Variants in RNF130 observed in about 807,000 individuals in gnomAD.
The protein encoded by RNF130 is ring finger protein 130, also known as E3 ubiquitin-protein ligase RNF130.
RNF130 carries 21 observed loss-of-function variants against 44.6 expected under a neutral mutation model. The observed-to-expected ratio is 0.47, with a 90% CI of 0.33 to 0.68. The LOEUF is 0.68. Ranked by LOEUF, RNF130 falls within the 30% of genes least tolerant of loss-of-function variation. The pLI, the probability that RNF130 is intolerant of heterozygous loss-of-function variation, is 0.02. For synonymous variants in RNF130, 214 were observed against 210.4 expected, an observed-to-expected ratio of 1.02 and a Z score of -0.15; for missense variants, 479 against 560.6, an observed-to-expected ratio of 0.85 and a Z score of 1.47.
intron 5 of RNF130, among the ~76,000 whole-genome samples, chr5:179,972,902 G>T (rs1279882460): frequency 6.6e-6 from 1 of 152,046 alleles, no homozygotes; most frequent in African/African-American, 2.4e-5. Context: ...TGATATAAAA[G>T]AAGTGCCCAC....
intron 7 of RNF130, among the ~76,000 whole-genome samples, chr5:179,922,620 C>T (rs919994192): frequency 2.6e-5 from 4 of 151,450 alleles, no homozygotes; most frequent in South Asian, 2.1e-4. Flanking sequence ...GGGCTGTCTT[C>T]GTGTTATCAA....
At chr5:179,916,980 AG>A (rs1761554796) in exon 8 of RNF130, 9 of 152,406 alleles carry the variant, frequency 5.9e-5, no homozygotes, top group African/African-American at 1.9e-4. Flanking sequence ...TCACGAGGTC[AG>A]GAGATCGAGA....
Position 180,071,628 on chromosome 5 carries a change from T to A in RNF130, c.75A>T (p.Ala25=). ...ACTCCTGGCTCGCGTTGTCTGCCCG[T>A]GCCGGCCACAGGCTGCAGGTCAGCA... ...LALLTCSLWP[A]RADNASQEYY... is the part of the protein sequence containing the mutation. The change falls in exon 1 of 9, where the codon GCA becomes GCT. Residue 25 remains alanine, a synonymous_variant. Transcript: ENST00000521389. The A allele has an allele frequency of 1.3e-6, 2 of 1,501,242 alleles. No homozygotes were observed. Among genetic ancestry groups the A allele is most frequent in the Non-Finnish European group, 1.8e-6 (2 of 1,124,442 alleles). The allele number at this position is 1,501,242 out of a possible 1,614,324, so 93.0% of individuals were successfully genotyped here.
chr5:180,031,297 GC>G (rs1764125800), intron 2 of RNF130, among the ~76,000 whole-genome samples: 2 of 152,138 alleles, frequency 1.3e-5, no homozygotes, highest in African/African-American at 4.8e-5. Flanking sequence ...GACCAGCCCG[GC>G]CAGTATGGCG....
intron 3 of RNF130, 141 bp from the exon 4 acceptor site, chr5:179,980,341 G>GA (rs1193271351): frequency 5.8e-6 from 4 of 694,356 alleles, no homozygotes; most frequent in African/African-American, 5.4e-5. Context: ...TGATAAAATA[G>GA]AAAAAATGGT....
chr5:180,067,456 C>A (rs1382370911), intron 1 of RNF130, among the ~76,000 whole-genome samples: 4 of 151,982 alleles, frequency 2.6e-5, no homozygotes, highest in Non-Finnish European at 1.5e-5. Flanking sequence ...ATGTAGATAA[C>A]GTTTAGAGGT....
chr5:179,971,538 T>G (rs1762586915), intron 5 of RNF130, among the ~76,000 whole-genome samples: 1 of 152,056 alleles, frequency 6.6e-6, no homozygotes, highest in South Asian at 2.1e-4. Context: ...CCCAGCCAAT[T>G]TTTTGTATTT....
chr5:179,997,618 G>A (rs559836636), intron 3 of RNF130, among the ~76,000 whole-genome samples: 15 of 151,946 alleles, frequency 9.9e-5, no homozygotes, highest in South Asian at 4.1e-4. Context: ...GTGAGCCACC[G>A]CGAGTGGCCT....
At chr5:179,949,122 C>T (rs928316070) in intron 7 of RNF130, among the ~76,000 whole-genome samples, 6 of 151,984 alleles carry the variant, frequency 3.9e-5, no homozygotes, top group African/African-American at 9.7e-5. Flanking sequence ...TGTGCCACCA[C>T]GCCCGGCTAA....
chr5:180,042,674 G>A (rs1194546891), intron 1 of RNF130, among the ~76,000 whole-genome samples: 1 of 152,216 alleles, frequency 6.6e-6, no homozygotes, highest in Non-Finnish European at 1.5e-5. Flanking sequence ...CTGGTTTTAG[G>A]TGTTCTGTTC....
rs1341130422 is a variant in RNF130, at chr5:179,945,305, C to CTGGGAAAA, written c.1150+21500_1150+21501insTTTTCCCA. Among the ~76,000 whole-genome samples the CTGGGAAAA allele has an allele frequency of 3.9e-5, 6 of 152,186 alleles. No homozygotes were observed. In the East Asian group the frequency reaches 7.7e-4, roughly 20 times the overall value. ...ACTGCACCTGGGAAAACAGTGGGAC[C>CTGGGAAAA]CAATGGACCCAAACGCTGCACAGAT... is the stretch of plus-strand genomic sequence containing the variant. On this transcript the variant is annotated intron_variant, in intron 7 of 7. Coordinates refer to the RNF130 transcript ENST00000522208.
chr5:179,984,716 T>C (rs1297553438), intron 3 of RNF130, among the ~76,000 whole-genome samples: 1 of 152,136 alleles, frequency 6.6e-6, no homozygotes, highest in African/African-American at 2.4e-5. Context: ...AGTAGTTCTG[T>C]CTAGTTTTGG....
At chr5:180,034,970 G>A (rs1157372458) in intron 2 of RNF130, among the ~76,000 whole-genome samples, 1 of 152,166 alleles carries the variant, frequency 6.6e-6, no homozygotes, top group African/African-American at 2.4e-5. Flanking sequence ...CTATCTAAAG[G>A]TTTGTCAATT....
chr5:180,057,537 A>G (rs557497506), intron 1 of RNF130, among the ~76,000 whole-genome samples: 5 of 151,998 alleles, frequency 3.3e-5, no homozygotes, highest in Non-Finnish European at 7.4e-5. Context: ...GACAGAGCGA[A>G]ACTCAGTCTC....
intron 7 of RNF130, among the ~76,000 whole-genome samples, chr5:179,921,232 C>G (rs1011452789): frequency 1.3e-5 from 2 of 152,118 alleles, no homozygotes; most frequent in Non-Finnish European, 2.9e-5. Flanking sequence ...CGAACATATC[C>G]ATTACCCCAA....
At chr5:180,022,523 A>G (rs941757334) in intron 2 of RNF130, among the ~76,000 whole-genome samples, 3 of 152,244 alleles carry the variant, frequency 2.0e-5, no homozygotes, top group Admixed American at 2.0e-4. Flanking sequence ...TATCAAGAGT[A>G]GCATGACACT....
intron 7 of RNF130, among the ~76,000 whole-genome samples, chr5:179,945,680 G>A (rs1452795012): frequency 2.0e-5 from 3 of 152,140 alleles, no homozygotes; most frequent in Non-Finnish European, 2.9e-5. Flanking sequence ...TATCGGAGGT[G>A]CAGGTGACAG....
intron 6 of RNF130, among the ~76,000 whole-genome samples, 167 bp downstream of exon 6, chr5:179,970,243 A>C (rs1762550161): frequency 6.6e-6 from 1 of 152,210 alleles, no homozygotes; most frequent in South Asian, 2.1e-4. Flanking sequence ...ACTTCTTAGT[A>C]ATCTGGTAAA....
At chr5:179,988,008 T>A (rs1314160869) in intron 3 of RNF130, among the ~76,000 whole-genome samples, 3 of 152,250 alleles carry the variant, frequency 2.0e-5, no homozygotes, top group Non-Finnish European at 4.4e-5. Flanking sequence ...TTCTCTCTTC[T>A]TTCATTTTTT....
Sources: gnomAD v4.1 joint callset for allele counts (sites outside exome capture counted in the v4.1 genomes callset) on GRCh38, gnomAD v4.1.1 for gene constraint, MANE v1.5 for transcripts, NCBI Gene and HGNC (gene_info 2026-07-23, HGNC 2026-07-21) for gene names.